Variants in GRIA4 observed in about 807,000 individuals in gnomAD.
The protein encoded by GRIA4 is glutamate ionotropic receptor AMPA type subunit 4.
GRIA4 carries 34 observed loss-of-function variants against 104.0 expected under a neutral mutation model. The observed-to-expected ratio is 0.33, with a 90% CI of 0.25 to 0.44. The LOEUF is 0.44. Ranked by LOEUF, GRIA4 falls within the 20% of genes least tolerant of loss-of-function variation. The pLI is 1.00. For synonymous variants in GRIA4, 386 were observed against 381.9 expected (o/e 1.01, Z -0.13); for missense variants, 750 against 1,096.5 (o/e 0.68, Z 4.46).
intron 3 of GRIA4, among the ~76,000 whole-genome samples, chr11:105,718,992 G>C (rs958834543): frequency 5.9e-5 from 9 of 152,082 alleles, no homozygotes; most frequent in Non-Finnish European, 1.2e-4. Flanking sequence ...CTCCAGATCT[G>C]AGGCATTAAC....
At chr11:105,951,054 C>G (rs1201243272) in intron 14 of GRIA4, among the ~76,000 whole-genome samples, 2 of 152,140 alleles carry the variant, frequency 1.3e-5, no homozygotes, top group Non-Finnish European at 2.9e-5. Context: ...ATGGGCATAA[C>G]CTCTAACCTA....
chr11:105,905,618 G>T (rs1256221020), intron 9 of GRIA4, among the ~76,000 whole-genome samples: 1 of 152,126 alleles, frequency 6.6e-6, no homozygotes, highest in Admixed American at 6.6e-5. Context: ...AGAACACGAA[G>T]CAGTAAAGAG....
At chr11:105,901,740 A>G (rs1946863885) in intron 7 of GRIA4, among the ~76,000 whole-genome samples, 2 of 152,192 alleles carry the variant, frequency 1.3e-5, no homozygotes, top group South Asian at 4.1e-4. Context: ...TGGTTCACAT[A>G]TTTCATAAAA....
At chr11:105,787,963 T>G (rs566955413) in intron 4 of GRIA4, among the ~76,000 whole-genome samples, 2 of 152,136 alleles carry the variant, frequency 1.3e-5, no homozygotes, top group African/African-American at 2.4e-5. Context: ...GTAGATTGAC[T>G]GCCCATTACA....
chr11:105,688,146 ATATCTATATCTC>A (rs1385324913), intron 3 of GRIA4, among the ~76,000 whole-genome samples: 2,403 of 32,480 alleles, frequency 0.074, 29 homozygotes, highest in East Asian at 0.15. Context: ...ATCTATATCT[ATATCTATATCTC>A]TATCTATCTA....
chr11:105,915,246 C>T (rs1365451172), intron 10 of GRIA4, among the ~76,000 whole-genome samples: 1 of 152,168 alleles, frequency 6.6e-6, no homozygotes, highest in Non-Finnish European at 1.5e-5. Context: ...CATCTTGAAT[C>T]TCAGTAATTG....
intron 4 of GRIA4, among the ~76,000 whole-genome samples, chr11:105,803,844 C>CA (rs537440632): frequency 0.1 from 8,419 of 80,194 alleles, 554 homozygotes; most frequent in African/African-American, 0.21. Context: ...GGTGCTATAC[C>CA]AAAAAAAAAA....
chr11:105,717,667 C>T (rs1484420902), intron 3 of GRIA4, among the ~76,000 whole-genome samples: 4 of 151,762 alleles, frequency 2.6e-5, no homozygotes, highest in Non-Finnish European at 4.4e-5. Context: ...TAGAGTTAAA[C>T]GAAGATTTTT....
intron 4 of GRIA4, among the ~76,000 whole-genome samples, chr11:105,764,838 A>G (rs1409075182): frequency 6.6e-6 from 1 of 152,158 alleles, no homozygotes; most frequent in East Asian, 1.9e-4. Flanking sequence ...ACTTTTTTAA[A>G]AAATAGTCCT....
At chr11:105,686,983 T>C (rs563773566) in intron 3 of GRIA4, among the ~76,000 whole-genome samples, 55 of 152,312 alleles carry the variant, frequency 3.6e-4, no homozygotes, top group Admixed American at 3.6e-3. Context: ...GGATGCTTAG[T>C]TAGTGAAATT....
intron 3 of GRIA4, among the ~76,000 whole-genome samples, chr11:105,737,623 C>T (rs375210070): frequency 6.6e-5 from 10 of 152,194 alleles, no homozygotes; most frequent in African/African-American, 1.9e-4. Context: ...ACCAATTTTC[C>T]GTAATCCCTT....
intron 14 of GRIA4, among the ~76,000 whole-genome samples, chr11:105,962,499 T>A (rs1948767375): frequency 6.6e-6 from 1 of 152,192 alleles, no homozygotes. Context: ...TTTCATAACC[T>A]AACTCATTTG....
At chr11:105,713,806 G>T (rs1010784510) in intron 3 of GRIA4, among the ~76,000 whole-genome samples, 1 of 152,164 alleles carries the variant, frequency 6.6e-6, no homozygotes, top group Admixed American at 6.6e-5. Context: ...TTTTAAAGTA[G>T]CTTGAGGCCA....
At chr11:105,912,503 GA>G (rs1206518030) in intron 10 of GRIA4, 6 of 641,020 alleles carry the variant, frequency 9.4e-6, no homozygotes, top group African/African-American at 6.2e-5. Context: ...AAAAATGACT[GA>G]AAAAATCCAA....
chr11:105,880,964 T>C (rs1351839736), intron 5 of GRIA4, among the ~76,000 whole-genome samples: 1 of 152,198 alleles, frequency 6.6e-6, no homozygotes, highest in Non-Finnish European at 1.5e-5. Context: ...ACTGTCATAG[T>C]TGATTTCCCC....
chr11:105,867,253 G>T (rs1945454950), intron 5 of GRIA4, among the ~76,000 whole-genome samples: 1 of 152,144 alleles, frequency 6.6e-6, no homozygotes, highest in Non-Finnish European at 1.5e-5. Flanking sequence ...ATGAGAAAGA[G>T]AGGAAAATTT....
intron 7 of GRIA4, among the ~76,000 whole-genome samples, chr11:105,899,372 A>T (rs1408805902): frequency 6.6e-6 from 1 of 152,218 alleles, no homozygotes; most frequent in Non-Finnish European, 1.5e-5. Flanking sequence ...GATAAATACA[A>T]GCAAATTATT....
intron 4 of GRIA4, among the ~76,000 whole-genome samples, chr11:105,787,340 GAC>G (rs1480444265): frequency 3.9e-5 from 6 of 152,066 alleles, no homozygotes; most frequent in Non-Finnish European, 5.9e-5. Flanking sequence ...GGCTGTGTTA[GAC>G]CCTCTGAAGC....
intron 3 of GRIA4, among the ~76,000 whole-genome samples, chr11:105,648,593 G>GA (rs982659864): frequency 1.5e-4 from 22 of 147,394 alleles, no homozygotes; most frequent in East Asian, 7.9e-4. Context: ...ATGCAAAAAG[G>GA]AAAAAAAAAG....
Sources: gnomAD v4.1 joint callset for allele counts (sites outside exome capture counted in the v4.1 genomes callset) on GRCh38, gnomAD v4.1.1 for gene constraint, MANE v1.5 for transcripts, NCBI Gene and HGNC (gene_info 2026-07-23, HGNC 2026-07-21) for gene names.